Variants in SCAF8 observed in about 807,000 individuals in gnomAD.
SCAF8 encodes the protein SR-related and CTD-associated factor 8.
A neutral mutation model predicts 140.5 loss-of-function variants in SCAF8; 23 were observed. The observed-to-expected ratio is 0.16, with a 90% CI of 0.12 to 0.23. The LOEUF is 0.23. Ranked by LOEUF, SCAF8 falls within the 10% of genes least tolerant of loss-of-function variation. The probability of loss-of-function intolerance (pLI) is 1.00; values close to 1 mark genes in which losing one functional copy is unlikely to be tolerated. For synonymous variants in SCAF8, 575 were observed against 528.9 expected (o/e 1.09, Z -1.20); for missense variants, 1,397 against 1,555.7 (o/e 0.90, Z 1.72).
chr6:154,733,925 A>G lies in SCAF8; in HGVS notation c.25A>G (p.Ser9Gly). The change falls in exon 1 of 20, where the codon AGC (serine) becomes GGC (glycine). Residue 9 changes from serine to glycine, a missense_variant. By Grantham distance (56) the Ser-to-Gly change is moderately conservative (BLOSUM62 0). This residue lies in a region of SCAF8 where 26 missense variants were observed against 20.9 expected (regional missense o/e 1.25). Coordinates refer to ENST00000367178, the MANE Select transcript of SCAF8 (RefSeq NM_014892.5). The stretch of plus-strand genomic sequence containing the variant: ...CATGGAGGCCGTGAAGACCTTCAAT[A>G]GCGAGGTTGGTATGGCAGCCGGGTT... The part of the protein sequence containing the change: MEAVKTFN[S>G]ELYSLNDYKP... The G allele has an allele frequency of 1.3e-6, 2 of 1,535,524 alleles. No homozygotes were observed. The highest frequency in any genetic ancestry group is 1.7e-6 in the Non-Finnish European group (2 of 1,148,090).
intron 12 of SCAF8, among the ~76,000 whole-genome samples, chr6:154,811,632 C>G (rs1217758967): frequency 6.6e-6 from 1 of 152,060 alleles, no homozygotes; most frequent in Non-Finnish European, 1.5e-5. Context: ...TGGTTTGCTG[C>G]ACACATCAAC....
At position 154,791,361 on chromosome 6, in the gene SCAF8, T is replaced by C. The variant is rs143132526; in HGVS notation, c.322-1462T>C. On this transcript the variant is annotated intron_variant, in intron 4 of 19. Transcript: ENST00000367178. Reference sequence around the variant, plus strand: ...ACAGAATATAACAAGAGACAGGCAATAGTTAAATAGAATTTCCCAACTAAA... The same window carrying C: ...ACAGAATATAACAAGAGACAGGCAACAGTTAAATAGAATTTCCCAACTAAA... Among the ~76,000 whole-genome samples, 449 of 152,322 alleles carry C rather than the reference T, an allele frequency of 2.9e-3. 4 individuals carry two copies. Among genetic ancestry groups the C allele is most frequent in the African/African-American group, 0.011 (437 of 41,578 alleles).
chr6:154,824,836 G>C (rs147954305), intron 17 of SCAF8: 5,368 of 152,764 alleles, frequency 0.035, 138 homozygotes, highest in Non-Finnish European at 0.045. Context: ...CCAGCTACTC[G>C]GGAGGCTGAG....
intron 3 of SCAF8, among the ~76,000 whole-genome samples, chr6:154,783,013 C>T (rs1682969414): frequency 6.6e-6 from 1 of 152,066 alleles, no homozygotes; most frequent in Non-Finnish European, 1.5e-5. Flanking sequence ...ATCATAGATC[C>T]CTATATTTGC....
intron 1 of SCAF8, among the ~76,000 whole-genome samples, chr6:154,748,210 G>T (rs1460927094): frequency 6.6e-6 from 1 of 152,036 alleles, no homozygotes; most frequent in East Asian, 1.9e-4. Context: ...GCACTAATTG[G>T]CACAAACAAC....
At chr6:154,747,689 C>T (rs1358002338) in intron 1 of SCAF8, among the ~76,000 whole-genome samples, 1 of 152,050 alleles carries the variant, frequency 6.6e-6, no homozygotes, top group Non-Finnish European at 1.5e-5. Context: ...CAGTATAGCT[C>T]ATAAAGGCCT....
At chr6:154,782,681 T>C (rs1777119937) in intron 3 of SCAF8, among the ~76,000 whole-genome samples, 2 of 152,186 alleles carry the variant, frequency 1.3e-5, no homozygotes, top group Admixed American at 6.5e-5. Context: ...GCAGGCTGTC[T>C]GCAAGCTTGA....
In SCAF8 at chr6:154,832,254, A is replaced by G; in HGVS notation, c.2675A>G (p.Asn892Ser). Residue 892 changes from asparagine to serine, a missense_variant, in exon 20 of 20, where the codon AAT becomes AGT. Asn to Ser is a conservative substitution (Grantham distance 46). This residue lies in a region of SCAF8 where 930 missense variants were observed against 874.6 expected (regional missense o/e 1.06). Transcript: ENST00000367178. ...GGAGTACAGCCACCAAATGTTCCAA[A>G]TACTCCTGGACTTCTGGGAACACAG... Reference protein sequence around the residue: ...LVGVQPPNVPNTPGLLGTQPP... With the variant: ...LVGVQPPNVPSTPGLLGTQPP... 6.2e-7 allele frequency: 1 copy of G among 1,614,130 alleles called. No homozygotes were observed. Among genetic ancestry groups the G allele is most frequent in the Non-Finnish European group, 8.5e-7 (1 of 1,180,004 alleles).
At chr6:154,740,251 T>C (rs1326394557) in intron 1 of SCAF8, among the ~76,000 whole-genome samples, 3 of 152,214 alleles carry the variant, frequency 2.0e-5, no homozygotes, top group Non-Finnish European at 4.4e-5. Flanking sequence ...ACTTGTTTGC[T>C]TGGGGAGCAG....
intron 1 of SCAF8, among the ~76,000 whole-genome samples, chr6:154,736,049 C>T (rs929660722): frequency 2.6e-5 from 4 of 151,752 alleles, no homozygotes; most frequent in Admixed American, 6.6e-5. Flanking sequence ...TGTTCTTGAA[C>T]TCCTGGGCCC....
intron 1 of SCAF8, among the ~76,000 whole-genome samples, chr6:154,763,006 T>A (rs1776451260): frequency 6.6e-6 from 1 of 152,134 alleles, no homozygotes; most frequent in Admixed American, 6.6e-5. Context: ...GGTGAGACTT[T>A]GGAATTCTCC....
chr6:154,736,031 G>T (rs778541527), intron 1 of SCAF8, among the ~76,000 whole-genome samples: 1 of 151,924 alleles, frequency 6.6e-6, no homozygotes, highest in Non-Finnish European at 1.5e-5. Flanking sequence ...TTGTTATGTT[G>T]CCCAGGCTGT....
rs764696629 is a variant in SCAF8, at chr6:154,834,002, C to T, written c.*607C>T. The T allele has an allele frequency of 2.6e-5, 4 of 152,158 alleles. No homozygotes were observed. Among genetic ancestry groups the T allele is most frequent in the South Asian group, 2.1e-4 (1 of 4,830 alleles). The allele number at this position is 152,158 out of a possible 1,614,324, so 9.4% of individuals were successfully genotyped here. On this transcript the variant is annotated 3_prime_UTR_variant, in exon 20 of 20. Transcript: ENST00000367178. ...AAACAACAACATAAATATTAAAGTACGTTTCAATGTTGGGTGAATTTTGTT... is the reference window on the plus strand; with the variant it reads ...AAACAACAACATAAATATTAAAGTATGTTTCAATGTTGGGTGAATTTTGTT...
chr6:154,779,845 C>T (rs1777034644), intron 3 of SCAF8, among the ~76,000 whole-genome samples: 1 of 150,952 alleles, frequency 6.6e-6, no homozygotes, highest in African/African-American at 2.4e-5. Flanking sequence ...ATTCACATGT[C>T]ATTAAATCAG....
chr6:154,772,686 CTCAA>C (rs537232418), intron 1 of SCAF8, among the ~76,000 whole-genome samples: 25 of 152,194 alleles, frequency 1.6e-4, no homozygotes, highest in Middle Eastern at 3.4e-3. Flanking sequence ...GAGACCCTGT[CTCAA>C]TCAATCAATC....
chr6:154,793,064 C>T (rs924043281), intron 5 of SCAF8, 88 bp downstream of exon 5: 2 of 1,066,340 alleles, frequency 1.9e-6, no homozygotes, highest in Non-Finnish European at 2.6e-6. Context: ...TTCGACAGTG[C>T]AGGAAAATTT....
intron 1 of SCAF8, among the ~76,000 whole-genome samples, chr6:154,738,479 C>T (rs965851143): frequency 9.9e-5 from 15 of 152,234 alleles, no homozygotes; most frequent in African/African-American, 3.1e-4. Context: ...TTTTTAAGTG[C>T]CCCATGCTAA....
intron 15 of SCAF8, among the ~76,000 whole-genome samples, chr6:154,821,454 T>C (rs1778419667): frequency 6.6e-6 from 1 of 152,108 alleles, no homozygotes. Flanking sequence ...ACATTTATTA[T>C]CTGTGAAAAA....
intron 19 of SCAF8, 91 bp downstream of exon 19, chr6:154,831,231 A>C: frequency 1.4e-6 from 1 of 717,164 alleles, no homozygotes; most frequent in Non-Finnish European, 2.2e-6. Flanking sequence ...AACCACTTCA[A>C]TCTACAGATG....
Sources: allele counts gnomAD v4.1 joint callset (sites outside exome capture counted in the v4.1 genomes callset), GRCh38; gene constraint gnomAD v4.1.1; regional missense constraint gnomAD v4.1.1; transcripts MANE v1.5; gene names NCBI Gene and HGNC (gene_info 2026-07-23, HGNC 2026-07-21).